WDR81: variants seen among roughly 807,000 people sequenced by gnomAD.
WDR81 encodes WD repeat-containing protein 81.
Under a neutral mutation model 140.8 loss-of-function variants are expected in WDR81, and 92 were observed. That is an observed-to-expected ratio of 0.65 (90% confidence interval 0.55 to 0.78). WDR81 has a LOEUF of 0.78. Among genes scored for constraint, WDR81 ranks in the 30% least tolerant of loss-of-function variants. The pLI is 0.00. For missense variants in WDR81, 2,502 were observed against 2,636.4 expected (o/e 0.95, Z 1.12); for synonymous variants, 1,183 against 1,156.4 (o/e 1.02, Z -0.47).
At chr17:1,720,456 T>C (rs1045187612), upstream of WDR81, among the ~76,000 whole-genome samples, 5 of 152,224 alleles carry the variant, frequency 3.3e-5, no homozygotes, top group Non-Finnish European at 5.9e-5. Flanking sequence ...GATAGCTGTA[T>C]CTCACTCCAG....
rs35053818 is a variant in WDR81 at position 1,728,057 on chromosome 17, AG to A, written c.3099del (p.Ser1034AlafsTer58). ...KDLAGAAEEE[E>X]SGLPGAGPGS... ...CTGGCAGGGGCTGCTGAGGAGGAGG[AG>A]AGCGGGCTGCCCGGGGCCGGGCCTG... On this transcript the variant is annotated frameshift_variant, in exon 1 of 10. Transcript: ENST00000409644. LOFTEE classifies it high-confidence loss of function. 1 of 1,519,248 alleles carries A rather than the reference AG, an allele frequency of 6.6e-7. No homozygotes were observed. The highest frequency in any genetic ancestry group is 1.3e-5 in the South Asian group (1 of 79,950). 94.1% of individuals were successfully genotyped at this position (1,519,248 alleles called of 1,614,324 possible). A position where few individuals can be genotyped will look rare whatever the true frequency, so the allele number is the denominator to read the frequency against.
In WDR81 at chr17:1,736,177, C is replaced by T. The variant is rs757047888; in HGVS notation, c.5464C>T (p.Arg1822Ter). The change falls in exon 9 of 10, where the codon CGA (arginine) becomes TGA (stop). Residue 1822 changes from arginine (R) to a stop codon, truncating the protein, a stop_gained. Coordinates refer to ENST00000409644, the MANE Select transcript of WDR81 (RefSeq NM_001163809.2). LOFTEE classifies it high-confidence loss of function. ...GGACACCCGCACAGGCCTGGTTCTGCGAGGCTGGCCAGCCCACGAGGGGGA... is the reference window on the plus strand; with the variant it reads ...GGACACCCGCACAGGCCTGGTTCTGTGAGGCTGGCCAGCCCACGAGGGGGA... ...LLDTRTGLVL[R>*]GWPAHEGDIL... The T allele has an allele frequency of 1.3e-5, 20 of 1,599,454 alleles. No individual in the cohort carries two copies. Among genetic ancestry groups the T allele is most frequent in the Non-Finnish European group, 1.6e-5 (19 of 1,179,622 alleles).
chr17:1,718,491 G>A (rs114447822), intron 1 of WDR81, among the ~76,000 whole-genome samples: 2,072 of 152,280 alleles, frequency 0.014, 43 homozygotes, highest in African/African-American at 0.043. Context: ...GGCTTTTGGC[G>A]GTGCCCTGCC....
In WDR81 at chr17:1,732,824, C is replaced by T; in HGVS notation, c.4482C>T (p.Cys1494=). ...ACACAATCTACGTGCCCTTCTCCTG[C>T]CTGTTGGGTACTGCCCCATCACGTT... ...MAYTIYVPFS[C]LLGDIIRKII... is the part of the protein sequence containing the mutation. Residue 1494 remains cysteine (C), a synonymous_variant, in exon 6 of 10, where the codon TGC becomes TGT. Coordinates refer to ENST00000409644, the MANE Select transcript of WDR81 (RefSeq NM_001163809.2). 1.2e-6 allele frequency: 2 copies of T among 1,607,318 alleles called. No homozygotes were observed. Among genetic ancestry groups the T allele is most frequent in the Non-Finnish European group, 1.7e-6 (2 of 1,176,572 alleles).
upstream of WDR81, among the ~76,000 whole-genome samples, chr17:1,722,330 A>T (rs1316169686): frequency 6.6e-6 from 1 of 150,602 alleles, no homozygotes; most frequent in African/African-American, 2.4e-5. Context: ...TGGCTGAGAC[A>T]TTCCTGTTTT....
intron 6 of WDR81, 173 bp downstream of exon 6, chr17:1,733,004 G>A (rs1273721196): frequency 3.9e-6 from 3 of 771,404 alleles, no homozygotes; most frequent in Non-Finnish European, 5.9e-6. Flanking sequence ...ACACAAACAA[G>A]GACTGAGCAG....
In WDR81 at chr17:1,732,736, AGCG is replaced by A. The variant is rs1904468929; in HGVS notation, c.4397_4399del (p.Arg1466del). 6.2e-7 allele frequency: 1 copy of A among 1,612,854 alleles called. No homozygotes were observed. Among genetic ancestry groups the A allele is most frequent in the Non-Finnish European group, 8.5e-7 (1 of 1,179,962 alleles). On this transcript the variant is annotated inframe_deletion, in exon 6 of 10. Coordinates refer to ENST00000409644, the MANE Select transcript of WDR81 (RefSeq NM_001163809.2). ...CAGGTGGTCTTCTCTGATGGGCAGC[AGCG>A]GCCCGTGGACCCCGCCCTGCTGGAC... is the stretch of plus-strand genomic sequence containing the variant.
rs779842241 is a variant in WDR81 at position 1,735,641 on chromosome 17, C to T, written c.5249C>T (p.Ala1750Val). Residue 1750 changes from alanine (A) to valine (V), a missense_variant, in exon 8 of 10, where the codon GCC becomes GTC. Around this residue, in one of 3 missense-constraint regions of WDR81, gnomAD observed 1,737 missense variants for 1,843.0 expected, o/e 0.94. Coordinates refer to ENST00000409644, the MANE Select transcript of WDR81 (RefSeq NM_001163809.2). The surrounding 1 kb of genome is among the most constrained non-coding windows in gnomAD (Gnocchi z 4.2). Reference sequence around the variant, plus strand: ...CTGACTGCGGTGGCTGTCATGCCCGCCCCCCACACCAGCATCACCATGGCC... The same window carrying T: ...CTGACTGCGGTGGCTGTCATGCCCGTCCCCCACACCAGCATCACCATGGCC... ...VPLTAVAVMPAPHTSITMASS... is the reference protein window; with the variant it reads ...VPLTAVAVMPVPHTSITMASS... 5.0e-6 allele frequency: 8 copies of T among 1,612,746 alleles called. No individual in the cohort carries two copies. Among genetic ancestry groups the T allele is most frequent in the Non-Finnish European group, 6.8e-6 (8 of 1,179,922 alleles).
At chr17:1,728,733 T>A in intron 1 of WDR81, 107 bp downstream of exon 1, 5 of 1,342,530 alleles carry the variant, frequency 3.7e-6, no homozygotes, top group Non-Finnish European at 4.9e-6. Flanking sequence ...GGCGGGCGGA[T>A]CACAAGGTCA....
rs1465045251 is a variant in WDR81, at chr17:1,725,307, C to T, written c.348C>T (p.Ser116=). The T allele has an allele frequency of 1.3e-6, 2 of 1,548,166 alleles. No homozygotes were observed. The highest frequency in any genetic ancestry group is 1.4e-5 in the African/African-American group (1 of 73,074). Residue 116 remains serine, a synonymous_variant, in exon 1 of 10, where the codon TCC becomes TCT. Transcript: ENST00000409644. ...ATGGGCTGCGGAAGCGGAGACTGTC[C>T]TACCCTCTGGGCGGGGGCCTGCCCT... ...EVHGLRKRRL[S]YPLGGGLPFE...
Position 1,732,736 on chromosome 17 carries a change from A to G in WDR81, c.4394A>G (p.Gln1465Arg). The change falls in exon 6 of 10, where the codon CAG (glutamine) becomes CGG (arginine). Residue 1465 changes from glutamine to arginine, a missense_variant. Physicochemically the swap from Gln to Arg is conservative, Grantham distance 43. Around this residue, in one of 3 missense-constraint regions of WDR81, gnomAD observed 1,737 missense variants for 1,843.0 expected, o/e 0.94. Coordinates refer to ENST00000409644, the MANE Select transcript of WDR81 (RefSeq NM_001163809.2). ...CAGGTGGTCTTCTCTGATGGGCAGC[A>G]GCGGCCCGTGGACCCCGCCCTGCTG... The part of the protein sequence containing the change: ...LPQVVFSDGQ[Q>R]RPVDPALLDE... 2 of 1,612,972 alleles carry G rather than the reference A, an allele frequency of 1.2e-6. No individual in the cohort carries two copies. Among genetic ancestry groups the G allele is most frequent in the Non-Finnish European group, 1.7e-6 (2 of 1,179,954 alleles).
At chr17:1,728,677 G>C in intron 1 of WDR81, 51 bp downstream of exon 1, 1 of 1,442,008 alleles carries the variant, frequency 6.9e-7, no homozygotes. Flanking sequence ...CCTGCTGGCC[G>C]AGCACAGTGG....
At position 1,730,298 on chromosome 17, in the gene WDR81, G is replaced by A; in HGVS notation, c.3668-82G>A. On this transcript the variant is annotated intron_variant, in intron 1 of 9. Coordinates refer to ENST00000409644, the MANE Select transcript of WDR81 (RefSeq NM_001163809.2). ...GGCAGAGCTGCAGCCGCAGGTGGTT[G>A]AGTGGGGTGCCGTGGGGTGGGGTGG... 5.1e-6 allele frequency: 6 copies of A among 1,186,444 alleles called. No individual in the cohort carries two copies. In the South Asian group the frequency reaches 9.0e-5, roughly 18 times the overall value. 73.5% of individuals were successfully genotyped at this position (1,186,444 alleles called of 1,614,324 possible). A position where few individuals can be genotyped will look rare whatever the true frequency, so the allele number is the denominator to read the frequency against.
Position 1,735,452 on chromosome 17 carries a change from A to AT in WDR81, c.5180-116dup. The AT allele has an allele frequency of 9.1e-7, 1 of 1,094,920 alleles. No homozygotes were observed. Among genetic ancestry groups the AT allele is most frequent in the Non-Finnish European group, 1.3e-6 (1 of 792,096 alleles). The allele number at this position is 1,094,920 out of a possible 1,614,324, so 67.8% of individuals were successfully genotyped here. On this transcript the variant is annotated intron_variant, in intron 7 of 9. Transcript: ENST00000409644. The surrounding 1 kb of genome is among the most constrained non-coding windows in gnomAD (Gnocchi z 4.2). ...TCAAAAAAAGAGAAACATCTTTAGC[A>AT]TTTTCTAAGGATCCCTGGGGGACGG...
intron 1 of WDR81, among the ~76,000 whole-genome samples, chr17:1,719,379 C>T (rs1443330875): frequency 1.3e-5 from 2 of 150,626 alleles, no homozygotes; most frequent in African/African-American, 2.5e-5. Flanking sequence ...AACCCCGTCT[C>T]TAATAAACAT....
chr17:1,726,242 G>T lies in WDR81; in HGVS notation c.1283G>T (p.Gly428Val). 6.5e-7 allele frequency: 1 copy of T among 1,533,304 alleles called. No homozygotes were observed. The highest frequency in any genetic ancestry group is 8.8e-7 in the Non-Finnish European group (1 of 1,137,078). The allele number at this position is 1,533,304 out of a possible 1,614,324, so 95.0% of individuals were successfully genotyped here. A position where few individuals can be genotyped will look rare whatever the true frequency, so the allele number is the denominator to read the frequency against. ...ACACGGCAGGCATTCGTAGCAGGCG[G>T]GGCGGGCGGCGGGGAACCCCCTCAT... ...EMTRQAFVAG[G>V]AGGGEPPHVP... is the part of the protein sequence containing the mutation. Residue 428 changes from glycine (G) to valine (V), a missense_variant, in exon 1 of 10, where the codon GGG (glycine) becomes GTG (valine). This residue lies in a region of WDR81 where 218 missense variants were observed against 279.6 expected (regional missense o/e 0.78). Coordinates refer to ENST00000409644, the MANE Select transcript of WDR81 (RefSeq NM_001163809.2).
chr17:1,720,967 AG>A (rs1914832454), upstream of WDR81, among the ~76,000 whole-genome samples: 1 of 152,094 alleles, frequency 6.6e-6, no homozygotes, highest in African/African-American at 2.4e-5. Flanking sequence ...GTGTAACCCC[AG>A]TACCGCTAGA....
At chr17:1,737,218 T>C in intron 9 of WDR81, 147 bp from the exon 10 acceptor site, 1 of 670,966 alleles carries the variant, frequency 1.5e-6, no homozygotes, top group South Asian at 2.0e-5. Context: ...GTGAATATGG[T>C]GTGTGTGGGA....
chr17:1,732,266 C>T, intron 4 of WDR81, 59 bp from the exon 5 acceptor site: 1 of 1,573,740 alleles, frequency 6.4e-7, no homozygotes, highest in Non-Finnish European at 8.6e-7. Flanking sequence ...AAAGATTTTG[C>T]TAGATTCTGG....
Sources: gnomAD v4.1 joint callset for allele counts (sites outside exome capture counted in the v4.1 genomes callset) on GRCh38, gnomAD v4.1.1 for gene constraint, gnomAD v4.1.1 regional missense constraint, Gnocchi (gnomAD v3.1) non-coding constraint, MANE v1.5 for transcripts, NCBI Gene and HGNC (gene_info 2026-07-23, HGNC 2026-07-21) for gene names.